The following AUTS2 variants were observed in gnomAD, a reference collection of about 807,000 sequenced individuals.
The protein encoded by AUTS2 is autism susceptibility gene 2 protein.
AUTS2 carries 17 observed loss-of-function variants against 112.4 expected under a neutral mutation model. That is an observed-to-expected ratio of 0.15 (90% CI 0.10 to 0.23). AUTS2 has a LOEUF of 0.23. AUTS2 is among the 10% of genes least tolerant of loss of function. The pLI, the probability that AUTS2 is intolerant of heterozygous loss-of-function variation, is 1.00. For missense variants in AUTS2, 1,510 were observed against 1,701.6 expected, an observed-to-expected ratio of 0.89 and a Z score of 1.98; for synonymous variants, 751 against 702.7, an observed-to-expected ratio of 1.07 and a Z score of -1.09.
intron 2 of AUTS2, among the ~76,000 whole-genome samples, chr7:70,074,007 A>G (rs986577649): frequency 1.3e-5 from 2 of 152,234 alleles, no homozygotes; most frequent in Non-Finnish European, 2.9e-5. Flanking sequence ...GATTTTGTCA[A>G]CTGAATAATT....
At chr7:70,744,430 C>T (rs986455494) in intron 6 of AUTS2, among the ~76,000 whole-genome samples, 1 of 152,152 alleles carries the variant, frequency 6.6e-6, no homozygotes, top group African/African-American at 2.4e-5. Flanking sequence ...GCCGCCCTCT[C>T]CTGTCTTTAA....
chr7:69,898,025 T>A (rs1283011076), intron 1 of AUTS2, among the ~76,000 whole-genome samples: 1 of 152,196 alleles, frequency 6.6e-6, no homozygotes, highest in East Asian at 1.9e-4. Flanking sequence ...TAGTAAAAAA[T>A]TTAATTGTTC....
Position 70,193,752 on chromosome 7 carries a change from C to T in AUTS2, c.660+59181C>T, listed in dbSNP as rs188944065. 2.6e-3 allele frequency among the ~76,000 whole-genome samples: 402 copies of T among 152,282 alleles called. 13 individuals carry two copies. In the South Asian group the frequency reaches 0.053, roughly 20 times the overall value. On this transcript the variant is annotated intron_variant, in intron 4 of 18. Transcript: ENST00000342771. ...TTTCTAACATGATAAAGCAGACCTG[C>T]GCCAGCTCCTGACTGTTTCAGATAG...
chr7:70,168,423 T>C (rs1808495096), intron 4 of AUTS2, among the ~76,000 whole-genome samples: 1 of 152,178 alleles, frequency 6.6e-6, no homozygotes, highest in African/African-American at 2.4e-5. Context: ...TTCAAGAGAT[T>C]CTCCTGCCTC....
At chr7:70,562,938 T>C (rs1213715268) in intron 5 of AUTS2, among the ~76,000 whole-genome samples, 1 of 152,184 alleles carries the variant, frequency 6.6e-6, no homozygotes, top group Non-Finnish European at 1.5e-5. Context: ...ATTTGAGGAA[T>C]ACAGTGACTT....
At position 70,790,906 on chromosome 7, in the gene AUTS2, C is replaced by G. The variant is rs61732289; in HGVS notation, c.3690C>G (p.Arg1230=). 3,755 of 1,586,602 alleles carry G rather than the reference C, an allele frequency of 2.4e-3. 83 individuals carry two copies. The African/African-American group carries it at 0.045, about 19-fold the overall frequency. ...PPPLISTLGG[R]PVSPRRTTPL... The stretch of plus-strand genomic sequence containing the variant: ...CGCTCATCTCCACGCTGGGGGGCCG[C>G]CCGGTCTCTCCCAGAAGGACGACTC... Residue 1230 remains arginine, a synonymous_variant, in exon 19 of 19, where the codon CGC becomes CGG. Coordinates refer to ENST00000342771, the MANE Select transcript of AUTS2 (RefSeq NM_015570.4). The surrounding 1 kb of genome is among the most constrained non-coding windows in gnomAD (Gnocchi z 7.6).
At chr7:69,798,373 C>T (rs879241566) in intron 1 of AUTS2, among the ~76,000 whole-genome samples, 15 of 152,250 alleles carry the variant, frequency 9.9e-5, no homozygotes, top group African/African-American at 3.1e-4. Context: ...TCAGTGCGTT[C>T]GGTAAACGTT....
intron 4 of AUTS2, among the ~76,000 whole-genome samples, chr7:70,241,259 G>C (rs1812597832): frequency 6.6e-6 from 1 of 152,072 alleles, no homozygotes; most frequent in African/African-American, 2.4e-5. Flanking sequence ...ACAATAATAG[G>C]GTAAGAGTGT....
intron 4 of AUTS2, among the ~76,000 whole-genome samples, chr7:70,166,629 ATAAT>A: frequency 6.6e-6 from 1 of 152,326 alleles, no homozygotes; most frequent in South Asian, 2.1e-4. Flanking sequence ...AGTACAAGAT[ATAAT>A]TAACAAGCCA....
chr7:69,819,698 G>A (rs142224441), intron 1 of AUTS2, among the ~76,000 whole-genome samples: 1 of 152,258 alleles, frequency 6.6e-6, no homozygotes, highest in East Asian at 1.9e-4. Context: ...GCTCACTTCC[G>A]CCTTGACGTG....
At chr7:70,724,672 C>G (rs1179534262) in intron 6 of AUTS2, among the ~76,000 whole-genome samples, 5 of 151,518 alleles carry the variant, frequency 3.3e-5, no homozygotes, top group African/African-American at 7.3e-5. Context: ...GTCTCGATCT[C>G]CTGACCTCGT....
At chr7:69,715,851 G>T (rs1798582182) in intron 1 of AUTS2, among the ~76,000 whole-genome samples, 1 of 152,186 alleles carries the variant, frequency 6.6e-6, no homozygotes, top group Non-Finnish European at 1.5e-5. Flanking sequence ...CAACAACCTT[G>T]TAAGGTATAG....
intron 4 of AUTS2, among the ~76,000 whole-genome samples, chr7:70,156,619 T>C (rs1807776804): frequency 6.6e-6 from 1 of 152,102 alleles, no homozygotes; most frequent in Non-Finnish European, 1.5e-5. Context: ...AGAATGTTTG[T>C]GATTCCTTCT....
chr7:70,533,381 T>C (rs867227541), intron 5 of AUTS2, among the ~76,000 whole-genome samples: 1 of 152,142 alleles, frequency 6.6e-6, no homozygotes, highest in African/African-American at 2.4e-5. Flanking sequence ...CCCGGAGTGA[T>C]GGGATTATAG....
At chr7:69,653,538 G>A (rs1277537275) in intron 1 of AUTS2, among the ~76,000 whole-genome samples, 1 of 152,040 alleles carries the variant, frequency 6.6e-6, no homozygotes, top group Non-Finnish European at 1.5e-5. Flanking sequence ...GCGTAGCAGA[G>A]TACACACACC....
chr7:70,288,853 TA>T (rs1235841267), intron 4 of AUTS2, among the ~76,000 whole-genome samples: 1 of 152,064 alleles, frequency 6.6e-6, no homozygotes, highest in African/African-American at 2.4e-5. Context: ...CAATGATGAG[TA>T]AATTAATAGG....
At chr7:70,066,512 C>A (rs573625556) in intron 2 of AUTS2, among the ~76,000 whole-genome samples, 167 of 149,060 alleles carry the variant, frequency 1.1e-3, no homozygotes, top group African/African-American at 4.0e-3. Flanking sequence ...ATTTTAAAAT[C>A]TAACTTTACA....
At chr7:70,693,575 A>G (rs1443935065) in intron 5 of AUTS2, among the ~76,000 whole-genome samples, 1 of 152,232 alleles carries the variant, frequency 6.6e-6, no homozygotes, top group Non-Finnish European at 1.5e-5. Flanking sequence ...TCTGAGACCC[A>G]GACCGTGATC....
intron 2 of AUTS2, among the ~76,000 whole-genome samples, chr7:70,110,901 C>T (rs1414312013): frequency 1.6e-5 from 2 of 124,932 alleles, no homozygotes; most frequent in East Asian, 2.4e-4. Flanking sequence ...CTCGCTCTGT[C>T]GCCCCAGTCG....
Sources: allele counts gnomAD v4.1 joint callset (sites outside exome capture counted in the v4.1 genomes callset), GRCh38; gene constraint gnomAD v4.1.1; non-coding constraint Gnocchi (gnomAD v3.1); transcripts MANE v1.5; gene names NCBI Gene and HGNC (gene_info 2026-07-23, HGNC 2026-07-21).